ARL6IP6: variants seen among roughly 807,000 people sequenced by gnomAD.
The protein encoded by ARL6IP6 is ARF like GTPase 6 interacting protein 6.
ARL6IP6 carries 22 observed loss-of-function variants against 21.5 expected under a neutral mutation model. The observed-to-expected ratio is 1.02, with a 90% CI of 0.73 to 1.46. ARL6IP6 has a LOEUF of 1.46. Ranked by LOEUF, ARL6IP6 falls within the 40% of genes most tolerant of loss-of-function variation. The probability of loss-of-function intolerance (pLI) is 0.00; values close to 1 mark genes in which losing one functional copy is unlikely to be tolerated. For missense variants in ARL6IP6, 388 were observed against 299.8 expected (o/e 1.29, Z -2.17); for synonymous variants, 164 against 125.3 (o/e 1.31, Z -2.06).
Position 152,761,859 on chromosome 2 carries a change from T to A in ARL6IP6, c.*2019T>A, listed in dbSNP as rs1701860939. Among the ~76,000 whole-genome samples, 1 of 152,166 alleles carries A rather than the reference T, an allele frequency of 6.6e-6. No homozygotes were observed. The highest frequency in any genetic ancestry group is 2.1e-4 in the South Asian group (1 of 4,830). ...ATGATGAAATTGCCTAATGACGCTT[T>A]TCTCAGAATATATCCTTGTCATTAA... On this transcript the variant is annotated 3_prime_UTR_variant, in exon 4 of 4. Coordinates refer to ENST00000326446, the MANE Select transcript of ARL6IP6 (RefSeq NM_152522.7).
In ARL6IP6 at chr2:152,761,248, A is replaced by AAT. The variant is rs963734957; in HGVS notation, c.*1409_*1410dup. The AAT allele has an allele frequency of 4.1e-5, 6 of 144,924 alleles. No individual in the cohort carries two copies. Among genetic ancestry groups the AAT allele is most frequent in the Admixed American group, 7.3e-5 (1 of 13,674 alleles). The allele number at this position is 144,924 out of a possible 1,614,324, so 9.0% of individuals were successfully genotyped here. A position where few individuals can be genotyped will look rare whatever the true frequency, so the allele number is the denominator to read the frequency against. On this transcript the variant is annotated 3_prime_UTR_variant, in exon 4 of 4. Coordinates refer to ENST00000326446, the MANE Select transcript of ARL6IP6 (RefSeq NM_152522.7). ...TACTGCTCCAATTTAAATTATCTGA[A>AAT]ATGTGTGTGTGTGTGTGTGTATCTA...
intron 3 of ARL6IP6, among the ~76,000 whole-genome samples, chr2:152,741,942 A>G (rs917475605): frequency 6.6e-6 from 1 of 152,204 alleles, no homozygotes; most frequent in Non-Finnish European, 1.5e-5. Context: ...AAGGTTTGTT[A>G]ACAGTGTTAA....
intron 2 of ARL6IP6, among the ~76,000 whole-genome samples, chr2:152,729,913 A>G (rs543539143): frequency 6.6e-6 from 1 of 152,300 alleles, no homozygotes; most frequent in Admixed American, 6.5e-5. Flanking sequence ...GGCTTATAAA[A>G]CATCAAAATT....
intron 2 of ARL6IP6, among the ~76,000 whole-genome samples, chr2:152,728,233 A>G (rs989184799): frequency 1.3e-5 from 2 of 152,208 alleles, no homozygotes; most frequent in South Asian, 2.1e-4. Context: ...TTCAAATGTC[A>G]GAATCTCTTA....
intron 3 of ARL6IP6, among the ~76,000 whole-genome samples, chr2:152,736,319 C>T (rs937046119): frequency 3.3e-5 from 5 of 152,032 alleles, no homozygotes; most frequent in African/African-American, 1.2e-4. Context: ...CGTATTTTTT[C>T]CTTTTATTTA....
intron 3 of ARL6IP6, among the ~76,000 whole-genome samples, chr2:152,756,640 T>C (rs1349416302): frequency 6.6e-6 from 1 of 152,140 alleles, no homozygotes; most frequent in Non-Finnish European, 1.5e-5. Flanking sequence ...GAAAAAGTTT[T>C]GAACACAAAC....
At chr2:152,750,284 G>A (rs1224887726) in intron 3 of ARL6IP6, among the ~76,000 whole-genome samples, 1 of 152,034 alleles carries the variant, frequency 6.6e-6, no homozygotes, top group African/African-American at 2.4e-5. Context: ...GACCAGCCTG[G>A]CCAACATGGT....
At chr2:152,753,660 T>C (rs1701440402) in intron 3 of ARL6IP6, among the ~76,000 whole-genome samples, 1 of 151,318 alleles carries the variant, frequency 6.6e-6, no homozygotes. Flanking sequence ...TGCTGAGTAT[T>C]CCCAGGTTAT....
chr2:152,718,541 A>C, upstream of ARL6IP6: 1 of 1,480,158 alleles, frequency 6.8e-7, no homozygotes, highest in Non-Finnish European at 9.0e-7. Context: ...GGTAGCGGCC[A>C]CTGCCGCGGA....
intron 3 of ARL6IP6, among the ~76,000 whole-genome samples, chr2:152,751,481 C>G (rs1701328594): frequency 6.6e-6 from 1 of 152,144 alleles, no homozygotes; most frequent in South Asian, 2.1e-4. Context: ...CGTTAACTAA[C>G]CTCCTGCTAT....
At chr2:152,735,612 A>G (rs985286804) in intron 3 of ARL6IP6, among the ~76,000 whole-genome samples, 1 of 152,172 alleles carries the variant, frequency 6.6e-6, no homozygotes, top group African/African-American at 2.4e-5. Flanking sequence ...GTAGTGGAAC[A>G]GTATTAAATT....
At chr2:152,728,831 C>G (rs1035226711) in intron 2 of ARL6IP6, among the ~76,000 whole-genome samples, 3 of 152,076 alleles carry the variant, frequency 2.0e-5, no homozygotes, top group African/African-American at 7.2e-5. Flanking sequence ...GAGCCCCAGG[C>G]AGGCGGATCA....
intron 2 of ARL6IP6, among the ~76,000 whole-genome samples, chr2:152,726,743 G>A (rs1169530156): frequency 6.6e-6 from 1 of 152,126 alleles, no homozygotes; most frequent in African/African-American, 2.4e-5. Flanking sequence ...CTGCATATAT[G>A]CCTGTATGAT....
At chr2:152,726,397 G>T (rs1278279820) in intron 2 of ARL6IP6, among the ~76,000 whole-genome samples, 1 of 152,170 alleles carries the variant, frequency 6.6e-6, no homozygotes, top group South Asian at 2.1e-4. Context: ...TGCATTGGCA[G>T]GAGAGGAGAG....
chr2:152,719,061 A>G (rs373604732), intron 1 of ARL6IP6, 37 bp downstream of exon 1: 157 of 1,478,254 alleles, frequency 1.1e-4, no homozygotes, highest in Non-Finnish European at 1.2e-4. Flanking sequence ...TGTCCAGAGT[A>G]AAGTTGAGCC....
At chr2:152,717,796 A>C (rs1573990227), upstream of ARL6IP6, 8 of 1,154,426 alleles carry the variant, frequency 6.9e-6, no homozygotes, top group Admixed American at 4.6e-5. Flanking sequence ...TGCCACCTTC[A>C]CCCTCCCCGC....
intron 3 of ARL6IP6, among the ~76,000 whole-genome samples, chr2:152,744,350 A>G (rs995551459): frequency 1.3e-5 from 2 of 152,108 alleles, no homozygotes; most frequent in African/African-American, 4.8e-5. Flanking sequence ...TGGAAGACAC[A>G]GTTGAATGTC....
upstream of ARL6IP6, chr2:152,717,710 G>C (rs1699194426): frequency 2.2e-6 from 3 of 1,379,466 alleles, no homozygotes; most frequent in Non-Finnish European, 2.8e-6. Context: ...CTTCCCCAGG[G>C]GAAGGGAAGA....
intron 3 of ARL6IP6, 136 bp downstream of exon 3, chr2:152,735,262 T>C: frequency 1.2e-6 from 1 of 825,866 alleles, no homozygotes; most frequent in Non-Finnish European, 1.8e-6. Context: ...ACAGGACTTT[T>C]CAGCTTGTAG....
Sources: allele counts gnomAD v4.1 joint callset (sites outside exome capture counted in the v4.1 genomes callset), GRCh38; gene constraint gnomAD v4.1.1; transcripts MANE v1.5; gene names NCBI Gene and HGNC (gene_info 2026-07-23, HGNC 2026-07-21).